Variants in ZGPAT observed in about 807,000 individuals in gnomAD.
The protein encoded by ZGPAT is zinc finger CCCH-type and G-patch domain containing.
ZGPAT carries 39 observed loss-of-function variants against 47.9 expected under a neutral mutation model. The ratio of observed to expected loss-of-function variants is 0.81; its 90% CI spans 0.63 to 1.06. ZGPAT has a LOEUF of 1.06. Among genes scored for constraint, ZGPAT ranks in the 50% least tolerant of loss-of-function variants. ZGPAT has a pLI of 0.00. For synonymous variants in ZGPAT, 348 were observed against 292.9 expected, an observed-to-expected ratio of 1.19 and a Z score of -1.92; for missense variants, 717 against 681.4, an observed-to-expected ratio of 1.05 and a Z score of -0.58.
chr20:63,725,216 C>T (rs2145674080), intron 2 of ZGPAT, among the ~76,000 whole-genome samples: 1 of 152,246 alleles, frequency 6.6e-6, no homozygotes, highest in South Asian at 2.1e-4. Context: ...GATCTCCTGA[C>T]CTCGTGATCC....
chr20:63,733,437 T>C, intron 3 of ZGPAT, 85 bp downstream of exon 3: 1 of 1,597,064 alleles, frequency 6.3e-7, no homozygotes, highest in Non-Finnish European at 8.5e-7. Flanking sequence ...CTGCTTCCTT[T>C]GGGTTGAGTG....
chr20:63,717,189 T>A (rs555735794), intron 2 of ZGPAT, among the ~76,000 whole-genome samples: 1 of 152,260 alleles, frequency 6.6e-6, no homozygotes, highest in Admixed American at 6.5e-5. Context: ...TGATCTCTAT[T>A]GTTTTCCCAT....
intron 1 of ZGPAT, 125 bp from the exon 2 acceptor site, chr20:63,708,428 C>T (rs930830968): frequency 3.3e-5 from 22 of 675,380 alleles, no homozygotes; most frequent in Non-Finnish European, 4.9e-5. Flanking sequence ...GACCTCTGCG[C>T]TGGGAGCTGT....
chr20:63,730,950 CTCTCTCTCTCTCTCTCTCTCTGTGTGTG>C (rs1568797435), intron 2 of ZGPAT, among the ~76,000 whole-genome samples: 5 of 147,622 alleles, frequency 3.4e-5, no homozygotes, highest in African/African-American at 1.3e-4. Flanking sequence ...CTCTCTCTCT[CTCTCTCTCTCTCTCTCTCTCTGTGTGTG>C]TGTGTGTGTG....
Position 63,733,219 on chromosome 20 carries a change from G to T in ZGPAT, c.585G>T (p.Arg195Ser). The change falls in exon 3 of 7, where the codon AGG (arginine) becomes AGT (serine). Residue 195 changes from arginine to serine, a missense_variant and splice_region_variant. By Grantham distance (110) the Arg-to-Ser change is moderately radical. Transcript: ENST00000355969. ...CTGCCCCTTACGGCTCTGTCTGCAG[G>T]TTCTCCCATGGGCAGGTGGTCTCTC... The part of the protein sequence containing the change: ...EGKCRFKENC[R>S]FSHGQVVSLD... 6.2e-7 allele frequency: 1 copy of T among 1,613,108 alleles called. No individual in the cohort carries two copies. The highest frequency in any genetic ancestry group is 8.5e-7 in the Non-Finnish European group (1 of 1,179,398).
In ZGPAT at chr20:63,735,988, GC is replaced by G; in HGVS notation, c.*72del. On this transcript the variant is annotated 3_prime_UTR_variant, in exon 7 of 7. Transcript: ENST00000355969. ...GGCTGCCCTCAGGAAGACCAGTGTT[GC>G]CCGAGGAGGGGCCGGCCTGCTGGCC... 6.4e-7 allele frequency: 1 copy of G among 1,556,774 alleles called. No individual in the cohort carries two copies. The highest frequency in any genetic ancestry group is 8.7e-7 in the Non-Finnish European group (1 of 1,148,526).
At position 63,736,005 on chromosome 20, in the gene ZGPAT, C is replaced by G; in HGVS notation, c.*86C>G. ...CCAGTGTTGCCCGAGGAGGGGCCGGCCTGCTGGCCTGGGGCGTGCAGACAC... is the reference window on the plus strand; with the variant it reads ...CCAGTGTTGCCCGAGGAGGGGCCGGGCTGCTGGCCTGGGGCGTGCAGACAC... On this transcript the variant is annotated 3_prime_UTR_variant, in exon 7 of 7. Coordinates refer to ENST00000355969, the MANE Select transcript of ZGPAT (RefSeq NM_181485.3). 1 of 1,541,252 alleles carries G rather than the reference C, an allele frequency of 6.5e-7. No homozygotes were observed. The highest frequency in any genetic ancestry group is 2.3e-5 in the East Asian group (1 of 43,850).
intron 4 of ZGPAT, chr20:63,734,038 A>C: frequency 2.5e-6 from 1 of 402,192 alleles, no homozygotes. Flanking sequence ...TGACCAACTG[A>C]TGGGGCCTGG....
intron 5 of ZGPAT, 140 bp from the exon 6 acceptor site, chr20:63,735,019 C>T (rs1315065373): frequency 3.0e-6 from 4 of 1,349,358 alleles, no homozygotes; most frequent in Non-Finnish European, 3.9e-6. Flanking sequence ...CTCAGATTCC[C>T]AGGGTCCTAC....
intron 1 of ZGPAT, 68 bp from the exon 2 acceptor site, chr20:63,708,485 C>T: frequency 8.4e-7 from 1 of 1,190,078 alleles, no homozygotes; most frequent in Non-Finnish European, 1.2e-6. Context: ...GTGCCCGTGC[C>T]CGTGCCCGCC....
rs1262569979 is a variant in ZGPAT, at chr20:63,733,235, G to A, written c.601G>A (p.Val201Met). 6.2e-7 allele frequency: 1 copy of A among 1,613,520 alleles called. No homozygotes were observed. Among genetic ancestry groups the A allele is most frequent in the African/African-American group, 1.3e-5 (1 of 74,890 alleles). The change falls in exon 3 of 7, where the codon GTG becomes ATG. Residue 201 changes from valine (V) to methionine (M), a missense_variant. Physicochemically the swap from Val to Met is conservative, Grantham distance 21. Coordinates refer to ENST00000355969, the MANE Select transcript of ZGPAT (RefSeq NM_181485.3). ...KENCRFSHGQVVSLDELRPFQ... is the reference protein window; with the variant it reads ...KENCRFSHGQMVSLDELRPFQ... Reference sequence around the variant, plus strand: ...TGTCTGCAGGTTCTCCCATGGGCAGGTGGTCTCTCTGGATGAGCTGCGCCC... The same window carrying A: ...TGTCTGCAGGTTCTCCCATGGGCAGATGGTCTCTCTGGATGAGCTGCGCCC...
chr20:63,728,578 C>A (rs975393025), intron 2 of ZGPAT, among the ~76,000 whole-genome samples: 1 of 152,216 alleles, frequency 6.6e-6, no homozygotes, highest in Non-Finnish European at 1.5e-5. Context: ...AAGAGCCAGG[C>A]CCTTCCTGGG....
At chr20:63,732,613 CTCTG>C (rs1330489854) in intron 2 of ZGPAT, among the ~76,000 whole-genome samples, 6 of 30,416 alleles carry the variant, frequency 2.0e-4, no homozygotes, top group South Asian at 8.1e-3. Flanking sequence ...GTGTCAGGGT[CTCTG>C]TGTATGTGTA....
chr20:63,723,113 A>C, intron 2 of ZGPAT, among the ~76,000 whole-genome samples: 1 of 147,456 alleles, frequency 6.8e-6, no homozygotes, highest in Non-Finnish European at 1.5e-5. Flanking sequence ...CTCCTATGAC[A>C]CAGCTCCATC....
At chr20:63,718,462 A>C (rs1351555679) in intron 2 of ZGPAT, among the ~76,000 whole-genome samples, 2 of 151,622 alleles carry the variant, frequency 1.3e-5, no homozygotes, top group Admixed American at 1.3e-4. Context: ...CCTTCCCAGT[A>C]GCTGGGATTA....
rs1416975105 is a variant in ZGPAT at position 63,720,376 on chromosome 20, C to T, written c.584+11212C>T. Among the ~76,000 whole-genome samples the T allele has an allele frequency of 1.3e-5, 2 of 151,698 alleles. 1 individual carries two copies. The highest frequency in any genetic ancestry group is 4.8e-5 in the African/African-American group (2 of 41,284). On this transcript the variant is annotated intron_variant, in intron 2 of 6. Coordinates refer to ENST00000355969, the MANE Select transcript of ZGPAT (RefSeq NM_181485.3). ...TTTGCCGTGTTAGCCAGGATGGTCTCGATCTCGTGACCTCATGATCCTCCT... is the reference window on the plus strand; with the variant it reads ...TTTGCCGTGTTAGCCAGGATGGTCTTGATCTCGTGACCTCATGATCCTCCT...
At position 63,733,315 on chromosome 20, in the gene ZGPAT, G is replaced by A; in HGVS notation, c.681G>A (p.Lys227=). The A allele has an allele frequency of 6.2e-7, 1 of 1,613,154 alleles. No homozygotes were observed. Among genetic ancestry groups the A allele is most frequent in the Non-Finnish European group, 8.5e-7 (1 of 1,179,932 alleles). The change falls in exon 3 of 7, where the codon AAG becomes AAA. Residue 227 remains lysine, a synonymous_variant. Transcript: ENST00000355969. The stretch of plus-strand genomic sequence containing the variant: ...AGGCCGGCTCTGCGTGTCTGGCCAA[G>A]CACCAGGATGGCCTCTGGCACGCAG... ...SLQAGSACLA[K]HQDGLWHAAR...
chr20:63,721,840 G>T (rs1047447395), intron 2 of ZGPAT, among the ~76,000 whole-genome samples: 1 of 151,960 alleles, frequency 6.6e-6, no homozygotes, highest in Non-Finnish European at 1.5e-5. Context: ...ACATGGTGAA[G>T]CCCCGTCTCT....
At position 63,735,443 on chromosome 20, in the gene ZGPAT, C is replaced by A; in HGVS notation, c.1276C>A (p.His426Asn). 6.4e-7 allele frequency: 1 copy of A among 1,572,272 alleles called. No homozygotes were observed. Among genetic ancestry groups the A allele is most frequent in the Non-Finnish European group, 8.6e-7 (1 of 1,162,764 alleles). The change falls in exon 6 of 7, where the codon CAT (histidine) becomes AAT (asparagine). Residue 426 changes from histidine to asparagine, a missense_variant. Transcript: ENST00000355969. ...GGGGAGGAGGAGCAAGGACATGTAC[C>A]ATGCCAGCAAGAGTGCCAAGCGGGC... ...PAGRRSKDMY[H>N]ASKSAKRALS... is the part of the protein sequence containing the mutation.
Sources: allele counts gnomAD v4.1 joint callset (sites outside exome capture counted in the v4.1 genomes callset), GRCh38; gene constraint gnomAD v4.1.1; transcripts MANE v1.5; gene names NCBI Gene and HGNC (gene_info 2026-07-23, HGNC 2026-07-21).